Variants in CSDE1 observed in about 807,000 individuals in gnomAD.
CSDE1 encodes cold shock domain containing E1.
In CSDE1, 17 loss-of-function variants were observed where a neutral mutation model predicts 89.3. That is an observed-to-expected ratio of 0.19 (90% confidence interval 0.13 to 0.29). The LOEUF is 0.29. Ranked by LOEUF, CSDE1 falls within the 10% of genes least tolerant of loss-of-function variation. The probability of loss-of-function intolerance (pLI) is 1.00; values close to 1 mark genes in which losing one functional copy is unlikely to be tolerated. For synonymous variants in CSDE1, 322 were observed against 332.8 expected, an observed-to-expected ratio of 0.97 and a Z score of 0.35; for missense variants, 672 against 984.2, an observed-to-expected ratio of 0.68 and a Z score of 4.24.
chr1:114,732,822 G>C lies in CSDE1; in HGVS notation c.838-6C>G, dbSNP rs1303706827. 2.5e-6 allele frequency: 4 copies of C among 1,612,232 alleles called. No individual in the cohort carries two copies. Among genetic ancestry groups the C allele is most frequent in the Non-Finnish European group, 3.4e-6 (4 of 1,178,444 alleles). On this transcript the variant is annotated splice_polypyrimidine_tract_variant and splice_region_variant and intron_variant, in intron 9 of 19. Transcript: ENST00000358528. ...CGTCCTGGCAATGGGTCATTCTGAT[G>C]AGAAGGAAAAACGATTTTAGCTGGA...
chr1:114,733,040 C>CA (rs768042729), intron 9 of CSDE1, among the ~76,000 whole-genome samples: 44 of 152,122 alleles, frequency 2.9e-4, no homozygotes, highest in African/African-American at 1.1e-3. Context: ...ACTCTGGTAC[C>CA]AAAAGATTTT....
In CSDE1 at chr1:114,726,374, T is replaced by C. The variant is rs146928884; in HGVS notation, c.1477A>G (p.Ile493Val). 6.4e-5 allele frequency: 103 copies of C among 1,608,266 alleles called. No individual in the cohort carries two copies. The African/African-American group carries it at 1.0e-3, about 16-fold the overall frequency. The change falls in exon 14 of 20, where the codon ATT (isoleucine) becomes GTT (valine). Residue 493 changes from isoleucine (I) to valine (V), a missense_variant. Transcript: ENST00000358528. Reference sequence around the variant, plus strand: ...TGTCCAGGCCTCTGTTTGTCACTAATACTAAATTCAACCTGTGAAAATTAA... The same window carrying C: ...TGTCCAGGCCTCTGTTTGTCACTAACACTAAATTCAACCTGTGAAAATTAA... ...PQIGDKVEFS[I>V]SDKQRPGQQV...
In CSDE1 at chr1:114,720,661, C is replaced by A. The variant is rs138627779; in HGVS notation, c.1930G>T (p.Asp644Tyr). 1.2e-6 allele frequency: 2 copies of A among 1,614,068 alleles called. No individual in the cohort carries two copies. The highest frequency in any genetic ancestry group is 1.3e-5 in the African/African-American group (1 of 74,916). ...ACGCTCTCCCCTTTCTGCAGGCAAT[C>A]CCCTTTGTTGGCCATCCCAACGATG... ...FGIVGMANKG[D>Y]CLQKGESVKF... is the part of the protein sequence containing the mutation. The change falls in exon 17 of 20, where the codon GAT becomes TAT. Residue 644 changes from aspartate (D) to tyrosine (Y), a missense_variant. Asp to Tyr is a radical substitution (Grantham distance 160). This residue lies in a region of CSDE1 where 206 missense variants were observed against 332.4 expected (regional missense o/e 0.62). Transcript: ENST00000358528.
intron 9 of CSDE1, among the ~76,000 whole-genome samples, chr1:114,733,349 A>G (rs1466864645): frequency 6.6e-6 from 1 of 152,058 alleles, no homozygotes; most frequent in South Asian, 2.1e-4. Flanking sequence ...AACAGGGTGA[A>G]ACCCCGTCTT....
At chr1:114,738,236 A>G (rs879789608) in intron 3 of CSDE1, among the ~76,000 whole-genome samples, 164 bp from the exon 4 acceptor site, 2 of 152,196 alleles carry the variant, frequency 1.3e-5, no homozygotes, top group African/African-American at 4.8e-5. Context: ...CTTAAAAGAA[A>G]TACTGGGCCT....
chr1:114,727,684 T>C (rs1360247235), intron 12 of CSDE1: 1 of 152,190 alleles, frequency 6.6e-6, no homozygotes, highest in African/African-American at 2.4e-5. Flanking sequence ...TCAGTCATCG[T>C]ACGTGTAAGA....
chr1:114,732,060 C>T (rs577219300), intron 10 of CSDE1, among the ~76,000 whole-genome samples: 97 of 151,988 alleles, frequency 6.4e-4, no homozygotes, highest in Admixed American at 1.8e-3. Flanking sequence ...AGTGATCACC[C>T]GCCTCAGCCT....
chr1:114,756,426 A>G (rs747766766), intron 1 of CSDE1, among the ~76,000 whole-genome samples: 2 of 152,242 alleles, frequency 1.3e-5, no homozygotes, highest in African/African-American at 2.4e-5. Flanking sequence ...AAGGATATCC[A>G]TTATTGGTTA....
chr1:114,735,729 T>G (rs1295499699), intron 6 of CSDE1, among the ~76,000 whole-genome samples: 1 of 152,176 alleles, frequency 6.6e-6, no homozygotes, highest in Non-Finnish European at 1.5e-5. Flanking sequence ...TTCTCCAACT[T>G]TCTATTTTAA....
At chr1:114,733,109 G>GA (rs1281006336) in intron 9 of CSDE1, among the ~76,000 whole-genome samples, 3 of 152,162 alleles carry the variant, frequency 2.0e-5, no homozygotes, top group African/African-American at 7.2e-5. Context: ...CCACAAACTG[G>GA]AGGGGTAGGG....
At chr1:114,724,371 G>A (rs188908984) in intron 15 of CSDE1, 100 of 182,382 alleles carry the variant, frequency 5.5e-4, no homozygotes, top group African/African-American at 2.3e-3. Context: ...ATACTGTCCT[G>A]ATTCATCTTT....
At chr1:114,731,461 A>T (rs1456710521) in intron 10 of CSDE1, among the ~76,000 whole-genome samples, 1 of 152,160 alleles carries the variant, frequency 6.6e-6, no homozygotes, top group Non-Finnish European at 1.5e-5. Context: ...GTCAAATACA[A>T]CCAGTTCTTC....
rs953708184 is a variant in CSDE1 at position 114,751,952 on chromosome 1, C to T, written c.-387-1745G>A. ...CACACTTTCCATTTTCTGTCACATA[C>T]CACCACCAGACTATCAAAAACTTGA... is the stretch of plus-strand genomic sequence containing the variant. On this transcript the variant is annotated intron_variant, in intron 1 of 19. Transcript: ENST00000358528. Among the ~76,000 whole-genome samples, 7 of 152,272 alleles carry T rather than the reference C, an allele frequency of 4.6e-5. No homozygotes were observed. The South Asian group carries it at 1.5e-3, about 32-fold the overall frequency.
At chr1:114,731,395 A>C (rs1011284229) in intron 10 of CSDE1, among the ~76,000 whole-genome samples, 60 of 152,042 alleles carry the variant, frequency 3.9e-4, no homozygotes, top group Admixed American at 3.5e-3. Flanking sequence ...AAATGTAAAA[A>C]AAAAAAAAAA....
intron 1 of CSDE1, chr1:114,756,929 T>A (rs1250181976): frequency 6.6e-6 from 1 of 152,216 alleles, no homozygotes; most frequent in African/African-American, 2.4e-5. Context: ...TTCGTATTGA[T>A]AAAATAGCAT....
chr1:114,722,604 G>A (rs1165021960), intron 16 of CSDE1, among the ~76,000 whole-genome samples: 2 of 152,178 alleles, frequency 1.3e-5, no homozygotes, highest in Non-Finnish European at 2.9e-5. Context: ...ACCAGGCTTA[G>A]AGATGCCTAA....
intron 3 of CSDE1, among the ~76,000 whole-genome samples, 184 bp from the exon 4 acceptor site, chr1:114,738,256 C>G (rs1660516448): frequency 6.6e-6 from 1 of 152,136 alleles, no homozygotes; most frequent in Non-Finnish European, 1.5e-5. Context: ...TAACTCTAGT[C>G]CTAGCCAAAG....
At chr1:114,723,307 G>T (rs1659625538) in intron 16 of CSDE1, among the ~76,000 whole-genome samples, 1 of 152,174 alleles carries the variant, frequency 6.6e-6, no homozygotes, top group Non-Finnish European at 1.5e-5. Flanking sequence ...TGGCCTTTCT[G>T]ATGGTGACTG....
chr1:114,746,937 C>T (rs190462950), intron 2 of CSDE1: 1 of 152,280 alleles, frequency 6.6e-6, no homozygotes, highest in East Asian at 1.9e-4. Flanking sequence ...CAACTAGCAC[C>T]CTAGCAACCG....
Sources: gnomAD v4.1 joint callset for allele counts (sites outside exome capture counted in the v4.1 genomes callset) on GRCh38, gnomAD v4.1.1 for gene constraint, gnomAD v4.1.1 regional missense constraint, MANE v1.5 for transcripts, NCBI Gene and HGNC (gene_info 2026-07-23, HGNC 2026-07-21) for gene names.